UNC80: variants seen among roughly 807,000 people sequenced by gnomAD.
UNC80 encodes unc-80 subunit of NALCN channel complex, also known as protein unc-80 homolog.
UNC80 carries 164 observed loss-of-function variants against 384.6 expected under a neutral mutation model. That is an observed-to-expected ratio of 0.43 (90% confidence interval 0.38 to 0.49). UNC80 has a LOEUF of 0.49. Ranked by LOEUF, UNC80 falls within the 20% of genes least tolerant of loss-of-function variation. The pLI is 0.00. For missense variants in UNC80, 3,330 were observed against 4,143.0 expected, an observed-to-expected ratio of 0.80 and a Z score of 5.39; for synonymous variants, 1,486 against 1,527.8, an observed-to-expected ratio of 0.97 and a Z score of 0.64.
At chr2:209,843,011 A>G (rs137955099) in intron 21 of UNC80, among the ~76,000 whole-genome samples, 6 of 152,258 alleles carry the variant, frequency 3.9e-5, no homozygotes, top group Admixed American at 1.3e-4. Flanking sequence ...TCACACACAC[A>G]TATCATGCAA....
At chr2:209,968,888 T>A (rs909537301) in intron 52 of UNC80, 1 of 152,230 alleles carries the variant, frequency 6.6e-6, no homozygotes, top group African/African-American at 2.4e-5. Flanking sequence ...TGGAGTTGGC[T>A]TGGATTTAAA....
intron 4 of UNC80, among the ~76,000 whole-genome samples, chr2:209,784,310 A>G (rs1045339013): frequency 4.6e-5 from 7 of 152,150 alleles, no homozygotes; most frequent in African/African-American, 7.2e-5. Flanking sequence ...GAGTGAACCT[A>G]TTAAAATATA....
chr2:209,987,213 G>A (rs1172590961), intron 61 of UNC80, among the ~76,000 whole-genome samples: 2 of 152,214 alleles, frequency 1.3e-5, no homozygotes, highest in African/African-American at 4.8e-5. Flanking sequence ...AAGTTGGATG[G>A]AGTGGGCTAA....
At chr2:209,921,441 A>T in intron 33 of UNC80, 59 bp from the exon 34 acceptor site, 1 of 1,464,888 alleles carries the variant, frequency 6.8e-7, no homozygotes, top group Non-Finnish European at 9.1e-7. Context: ...AACACTCTTT[A>T]TGCCTGTGAC....
In UNC80 at chr2:209,913,697, C is replaced by A. The variant is rs144333309; in HGVS notation, c.4891-105C>A. Reference sequence around the variant, plus strand: ...CCCATTTTAGAAAGCATTTTAAGGTCACTTAAGGCAAGCAGAGAGAGGGGA... The same window carrying A: ...CCCATTTTAGAAAGCATTTTAAGGTAACTTAAGGCAAGCAGAGAGAGGGGA... On this transcript the variant is annotated intron_variant, in intron 30 of 64. Coordinates refer to ENST00000673920, the MANE Select transcript of UNC80 (RefSeq NM_001371986.1). 6.0e-5 allele frequency: 73 copies of A among 1,209,180 alleles called. No homozygotes were observed. The Middle Eastern group carries it at 2.4e-3, about 40-fold the overall frequency. The allele number at this position is 1,209,180 out of a possible 1,614,324, so 74.9% of individuals were successfully genotyped here.
At chr2:209,832,586 A>G (rs1178766652) in intron 16 of UNC80, among the ~76,000 whole-genome samples, 2 of 152,224 alleles carry the variant, frequency 1.3e-5, no homozygotes, top group African/African-American at 2.4e-5. Flanking sequence ...TTAACTTGAG[A>G]TAAAATCCCA....
intron 22 of UNC80, among the ~76,000 whole-genome samples, chr2:209,850,583 C>A (rs10194333): frequency 0.19 from 28,184 of 152,054 alleles, 3,292 homozygotes; most frequent in African/African-American, 0.31. Context: ...TATTTAGTGA[C>A]CAGCAAGGTA....
intron 4 of UNC80, among the ~76,000 whole-genome samples, chr2:209,778,774 T>C (rs976499193): frequency 6.6e-6 from 1 of 152,236 alleles, no homozygotes; most frequent in African/African-American, 2.4e-5. Context: ...AAGATAAGAA[T>C]TGACATGTTC....
Position 209,993,395 on chromosome 2 carries a change from C to T in UNC80, c.9477C>T (p.Arg3159=). 1 of 1,551,706 alleles carries T rather than the reference C, an allele frequency of 6.4e-7. No homozygotes were observed. The highest frequency in any genetic ancestry group is 1.2e-5 in the South Asian group (1 of 84,048). The change falls in exon 63 of 65, where the codon CGC becomes CGT. Residue 3159 remains arginine (R), a synonymous_variant. Coordinates refer to ENST00000673920, the MANE Select transcript of UNC80 (RefSeq NM_001371986.1). The stretch of plus-strand genomic sequence containing the variant: ...AAGGGGCTCGGCTGTCAACCACTCG[C>T]AGGAGCATTCAACCTAAAACGAAGC... ...NRQGARLSTT[R]RSIQPKTKPS... is the part of the protein sequence containing the mutation.
intron 47 of UNC80, among the ~76,000 whole-genome samples, chr2:209,951,817 C>A (rs1328801838): frequency 6.6e-6 from 1 of 152,110 alleles, no homozygotes; most frequent in Non-Finnish European, 1.5e-5. Context: ...CCTCCCCTCT[C>A]CATTTATGTA....
chr2:209,910,306 C>G (rs779132437), intron 29 of UNC80, among the ~76,000 whole-genome samples: 2 of 151,888 alleles, frequency 1.3e-5, no homozygotes, highest in Non-Finnish European at 2.9e-5. Flanking sequence ...TGGAACTAGT[C>G]TCCTGCTCCT....
chr2:209,896,657 A>G (rs1157265436), intron 28 of UNC80, among the ~76,000 whole-genome samples: 8 of 152,208 alleles, frequency 5.3e-5, no homozygotes, highest in Non-Finnish European at 1.2e-4. Flanking sequence ...GCAGGTCACC[A>G]TAAATCAGGG....
chr2:209,864,507 C>T (rs1412381585), intron 22 of UNC80, among the ~76,000 whole-genome samples: 1 of 152,184 alleles, frequency 6.6e-6, no homozygotes, highest in Non-Finnish European at 1.5e-5. Context: ...CACCCCTTCC[C>T]CAGGGTCTCA....
intron 22 of UNC80, among the ~76,000 whole-genome samples, chr2:209,858,099 A>G (rs2083070104): frequency 6.6e-6 from 1 of 152,180 alleles, no homozygotes; most frequent in African/African-American, 2.4e-5. Flanking sequence ...AATTACTGTT[A>G]GTTGTGTTGA....
intron 11 of UNC80, 51 bp downstream of exon 11, chr2:209,818,003 T>C: frequency 2.6e-6 from 4 of 1,543,990 alleles, no homozygotes; most frequent in Non-Finnish European, 3.5e-6. Flanking sequence ...CTTTTTTTGT[T>C]TTCTGTCCTT....
At chr2:209,984,074 T>A (rs555075208) in intron 60 of UNC80, among the ~76,000 whole-genome samples, 1 of 152,352 alleles carries the variant, frequency 6.6e-6, no homozygotes, top group African/African-American at 2.4e-5. Context: ...CTTAGCTCAA[T>A]GCTAGGCACT....
intron 51 of UNC80, among the ~76,000 whole-genome samples, chr2:209,960,517 G>A (rs2092557064): frequency 6.6e-6 from 1 of 152,194 alleles, no homozygotes; most frequent in South Asian, 2.1e-4. Flanking sequence ...GATTCACTTG[G>A]AAATTTTAAC....
chr2:209,793,844 G>A lies in UNC80; in HGVS notation c.923G>A (p.Gly308Asp). The change falls in exon 7 of 65, where the codon GGC becomes GAC. Residue 308 changes from glycine to aspartate, a missense_variant. Coordinates refer to ENST00000673920, the MANE Select transcript of UNC80 (RefSeq NM_001371986.1). ...TCCTCCCAAACTTCCCAGGAAAGAG[G>A]CCCATCACATTCCAGGTACCTGATT... The part of the protein sequence containing the change: ...SLSSQTSQER[G>D]PSHSRASLVI... 14 of 1,614,088 alleles carry A rather than the reference G, an allele frequency of 8.7e-6. No individual in the cohort carries two copies. Among genetic ancestry groups the A allele is most frequent in the African/African-American group, 1.3e-5 (1 of 75,036 alleles).
Position 209,839,380 on chromosome 2 carries a change from G to T in UNC80, c.3200G>T (p.Arg1067Leu), listed in dbSNP as rs376043576. ...HSGTTSDRRA[R>L]SRSRRISLRK... is the part of the protein sequence containing the mutation. ...GGGACCACCTCTGACCGACGTGCCCGCTCACGATCCCGCAGAATTTCCCTC... is the reference window on the plus strand; with the variant it reads ...GGGACCACCTCTGACCGACGTGCCCTCTCACGATCCCGCAGAATTTCCCTC... Residue 1067 changes from arginine to leucine, a missense_variant, in exon 19 of 65, where the codon CGC becomes CTC. Arg to Leu is a moderately radical substitution (Grantham distance 102, BLOSUM62 -2). Coordinates refer to ENST00000673920, the MANE Select transcript of UNC80 (RefSeq NM_001371986.1). The surrounding 1 kb of genome is among the most constrained non-coding windows in gnomAD (Gnocchi z 4.1). 2.6e-6 allele frequency: 4 copies of T among 1,551,952 alleles called. No individual in the cohort carries two copies. The South Asian group carries it at 3.6e-5, about 14-fold the overall frequency.
Sources: gnomAD v4.1 joint callset for allele counts (sites outside exome capture counted in the v4.1 genomes callset) on GRCh38, gnomAD v4.1.1 for gene constraint, Gnocchi (gnomAD v3.1) non-coding constraint, MANE v1.5 for transcripts, NCBI Gene and HGNC (gene_info 2026-07-23, HGNC 2026-07-21) for gene names.